INPP5D: variants seen among roughly 807,000 people sequenced by gnomAD.
INPP5D encodes the protein inositol polyphosphate-5-phosphatase D, also known as phosphatidylinositol 3,4,5-trisphosphate 5-phosphatase 1.
In INPP5D, 33 loss-of-function variants were observed where a neutral mutation model predicts 122.9. That is an observed-to-expected ratio of 0.27 (90% CI 0.20 to 0.36). The LOEUF is 0.36. INPP5D is among the 10% of genes least tolerant of loss of function. The pLI, the probability that INPP5D is intolerant of heterozygous loss-of-function variation, is 1.00. For missense variants in INPP5D, 1,053 were observed against 1,412.7 expected (o/e 0.75, Z 4.08); for synonymous variants, 584 against 576.2 (o/e 1.01, Z -0.19).
In INPP5D at chr2:233,129,600, C is replaced by G. The variant is rs368074091; in HGVS notation, c.525-908C>G. On this transcript the variant is annotated intron_variant, in intron 4 of 26. Coordinates refer to ENST00000445964, the MANE Select transcript of INPP5D (RefSeq NM_001017915.3). ...ACTCTGTACACTGAAGGGGTTGGAGCAGATTCCACACGGCAAAGTCGGCCA... is the reference window on the plus strand; with the variant it reads ...ACTCTGTACACTGAAGGGGTTGGAGGAGATTCCACACGGCAAAGTCGGCCA... Among the ~76,000 whole-genome samples, 16 of 152,284 alleles carry G rather than the reference C, an allele frequency of 1.1e-4. No homozygotes were observed. In the East Asian group the frequency reaches 2.7e-3, roughly 26 times the overall value.
In INPP5D at chr2:233,206,911, A is replaced by T. The variant is rs1695520941; in HGVS notation, c.*203A>T. 1.8e-6 allele frequency: 1 copy of T among 566,678 alleles called. No individual in the cohort carries two copies. 35.1% of individuals were successfully genotyped at this position (566,678 alleles called of 1,614,324 possible). On this transcript the variant is annotated 3_prime_UTR_variant, in exon 27 of 27. Transcript: ENST00000445964. This position sits in a 1 kb window ranked among gnomAD's most constrained non-coding sequence, Gnocchi z 4.0. ...GCACCAAGTGCTGAGGCTGGAAGAA[A>T]AACGCACACCAGACGGGCAACAAAC...
intron 2 of INPP5D, among the ~76,000 whole-genome samples, chr2:233,089,488 G>A (rs1691938062): frequency 6.6e-6 from 1 of 152,188 alleles, no homozygotes; most frequent in Non-Finnish European, 1.5e-5. Flanking sequence ...GGGCTGGAGG[G>A]TGAGCTTCAC....
At chr2:233,130,486 G>A (rs774644547) in intron 4 of INPP5D, 22 bp from the exon 5 acceptor site, 1 of 1,611,694 alleles carries the variant, frequency 6.2e-7, no homozygotes, top group Non-Finnish European at 8.5e-7. Context: ...AGCATAGTTT[G>A]TTTCTTTTTT....
intron 9 of INPP5D, among the ~76,000 whole-genome samples, chr2:233,148,317 C>T (rs146680237): frequency 0.51 from 77,649 of 151,992 alleles, 20,553 homozygotes; most frequent in East Asian, 0.66. Context: ...CTATGAAAAG[C>T]GCTACAAAGA....
intron 11 of INPP5D, among the ~76,000 whole-genome samples, chr2:233,162,921 CA>C (rs1694232869): frequency 6.6e-6 from 1 of 152,210 alleles, no homozygotes; most frequent in Non-Finnish European, 1.5e-5. Context: ...GTCCATGACA[CA>C]AGGGCAGGGG....
chr2:233,084,615 G>A (rs1193515399), intron 2 of INPP5D, among the ~76,000 whole-genome samples: 2 of 152,256 alleles, frequency 1.3e-5, no homozygotes, highest in African/African-American at 2.4e-5. Context: ...TCCGGGAGGT[G>A]AACGGTTGAG....
At chr2:233,087,390 C>T (rs901693736) in intron 2 of INPP5D, among the ~76,000 whole-genome samples, 3 of 152,108 alleles carry the variant, frequency 2.0e-5, no homozygotes, top group Non-Finnish European at 4.4e-5. Flanking sequence ...GGCACAATCT[C>T]GGCTCAGCTC....
intron 8 of INPP5D, 127 bp downstream of exon 8, chr2:233,146,565 A>G (rs903888415): frequency 5.9e-6 from 4 of 675,210 alleles, no homozygotes; most frequent in African/African-American, 5.3e-5. Flanking sequence ...GCATTAGCCA[A>G]GAATGGCAGT....
rs147578832 is a variant in INPP5D at position 233,156,981 on chromosome 2, G to A, written c.1031-1332G>A. On this transcript the variant is annotated intron_variant, in intron 9 of 26. Coordinates refer to ENST00000445964, the MANE Select transcript of INPP5D (RefSeq NM_001017915.3). ...TGTGCTAACTCTTTTCTGAACAAGA[G>A]AATCAGAATGACATTGTTTCTCCAG... is the stretch of plus-strand genomic sequence containing the variant. Among the ~76,000 whole-genome samples the A allele has an allele frequency of 2.5e-4, 38 of 152,320 alleles. No homozygotes were observed. In the East Asian group the frequency reaches 7.1e-3, roughly 29 times the overall value.
In INPP5D at chr2:233,177,186, A is replaced by G; in HGVS notation, c.1990-79A>G. Reference sequence around the variant, plus strand: ...GATGAATTTGAGGATTACAGAGGCCACCAGTTAATCTGTTCTTTTACTGAT... The same window carrying G: ...GATGAATTTGAGGATTACAGAGGCCGCCAGTTAATCTGTTCTTTTACTGAT... On this transcript the variant is annotated intron_variant, in intron 17 of 26. Coordinates refer to ENST00000445964, the MANE Select transcript of INPP5D (RefSeq NM_001017915.3). The surrounding 1 kb of genome is among the most constrained non-coding windows in gnomAD (Gnocchi z 4.2). 12 of 1,571,448 alleles carry G rather than the reference A, an allele frequency of 7.6e-6. No individual in the cohort carries two copies. The highest frequency in any genetic ancestry group is 2.3e-5 in the South Asian group (2 of 88,138).
chr2:233,116,843 C>T (rs1460607212), intron 2 of INPP5D, among the ~76,000 whole-genome samples: 2 of 152,144 alleles, frequency 1.3e-5, no homozygotes, highest in African/African-American at 4.8e-5. Context: ...GATCCACCCA[C>T]CTCGGCCTCC....
intron 2 of INPP5D, among the ~76,000 whole-genome samples, chr2:233,093,649 T>C (rs1692046943): frequency 6.9e-6 from 1 of 145,360 alleles, no homozygotes; most frequent in African/African-American, 2.6e-5. Context: ...CACTGCACAC[T>C]CCAGTCTGGG....
At chr2:233,114,335 G>T (rs1476855124) in intron 2 of INPP5D, among the ~76,000 whole-genome samples, 1 of 152,174 alleles carries the variant, frequency 6.6e-6, no homozygotes. Flanking sequence ...TCTTAAATTT[G>T]GGGGAGAGGA....
intron 9 of INPP5D, among the ~76,000 whole-genome samples, chr2:233,152,400 C>T (rs547062356): frequency 3.9e-5 from 6 of 152,232 alleles, no homozygotes; most frequent in East Asian, 3.9e-4. Context: ...ATTCATGCTC[C>T]GAGCACCTGC....
rs1574752019 is a variant in INPP5D at position 233,130,605 on chromosome 2, C to T, written c.622C>T (p.His208Tyr). The T allele has an allele frequency of 6.2e-7, 1 of 1,614,032 alleles. No homozygotes were observed. The highest frequency in any genetic ancestry group is 8.5e-7 in the Non-Finnish European group (1 of 1,179,894). Residue 208 changes from histidine (H) to tyrosine (Y), a missense_variant, in exon 5 of 27, where the codon CAC (histidine) becomes TAC (tyrosine). Transcript: ENST00000445964. ...FVKTGSSSLP[H>Y]LKKLTTLLCK... The stretch of plus-strand genomic sequence containing the variant: ...GAAGACAGGGTCCAGCAGTCTTCCT[C>T]ACCTGAAGAAACTGACCACACTGCT...
rs1469612831 is a variant in INPP5D, at chr2:233,197,451, C to T, written c.2694-644C>T. 6.6e-6 allele frequency among the ~76,000 whole-genome samples: 1 copy of T among 152,118 alleles called. No homozygotes were observed. Among genetic ancestry groups the T allele is most frequent in the African/African-American group, 2.4e-5 (1 of 41,426 alleles). On this transcript the variant is annotated intron_variant, in intron 24 of 26. Coordinates refer to ENST00000445964, the MANE Select transcript of INPP5D (RefSeq NM_001017915.3). This position sits in a 1 kb window ranked among gnomAD's most constrained non-coding sequence, Gnocchi z 4.4. ...TGGAGTCTGCCCTGAAAATCCCCTC[C>T]TTCCTGCCACCCAGGCTACCCCCCC...
Position 233,105,245 on chromosome 2 carries a change from A to G in INPP5D, c.199-16862A>G, listed in dbSNP as rs1286518883. ...TGGGTCCCAGGGAACTGGGTAGGAC[A>G]GCAGCTGCGCTCTCTGTAAGAACCT... On this transcript the variant is annotated intron_variant, in intron 2 of 26. Coordinates refer to ENST00000445964, the MANE Select transcript of INPP5D (RefSeq NM_001017915.3). This position sits in a 1 kb window ranked among gnomAD's most constrained non-coding sequence, Gnocchi z 4.0. Among the ~76,000 whole-genome samples, 2 of 152,192 alleles carry G rather than the reference A, an allele frequency of 1.3e-5. No homozygotes were observed. Among genetic ancestry groups the G allele is most frequent in the African/African-American group, 4.8e-5 (2 of 41,456 alleles).
In INPP5D at chr2:233,078,200, G is replaced by T. The variant is rs1691576598; in HGVS notation, c.135-1135G>T. Among the ~76,000 whole-genome samples, 1 of 152,224 alleles carries T rather than the reference G, an allele frequency of 6.6e-6. No individual in the cohort carries two copies. The highest frequency in any genetic ancestry group is 1.5e-5 in the Non-Finnish European group (1 of 68,042). ...TCCATGGGTGTTAGCTGCTGCCAGG[G>T]TTTCAGCAGGCTGAGGGCCACCGCA... is the stretch of plus-strand genomic sequence containing the variant. On this transcript the variant is annotated intron_variant, in intron 1 of 26. Coordinates refer to ENST00000445964, the MANE Select transcript of INPP5D (RefSeq NM_001017915.3). This position sits in a 1 kb window ranked among gnomAD's most constrained non-coding sequence, Gnocchi z 4.6.
chr2:233,119,588 A>G (rs1692906292), intron 2 of INPP5D, among the ~76,000 whole-genome samples: 1 of 132,176 alleles, frequency 7.6e-6, no homozygotes, highest in African/African-American at 2.5e-5. Context: ...AACTCTCTAT[A>G]AATTTACTAA....
Sources: gnomAD v4.1 joint callset for allele counts (sites outside exome capture counted in the v4.1 genomes callset) on GRCh38, gnomAD v4.1.1 for gene constraint, Gnocchi (gnomAD v3.1) non-coding constraint, MANE v1.5 for transcripts, NCBI Gene and HGNC (gene_info 2026-07-23, HGNC 2026-07-21) for gene names.